CSMD1: variants seen among roughly 807,000 people sequenced by gnomAD.
The protein encoded by CSMD1 is CUB and sushi domain-containing protein 1.
In CSMD1, 213 loss-of-function variants were observed where a neutral mutation model predicts 417.5. The ratio of observed to expected loss-of-function variants is 0.51; its 90% CI spans 0.46 to 0.57. The LOEUF (loss-of-function observed/expected upper bound fraction) is 0.57. CSMD1 is among the 20% of genes least tolerant of loss of function. CSMD1 has a pLI of 0.00. For missense variants in CSMD1, 6,923 were observed against 4,529.7 expected, an observed-to-expected ratio of 1.53 and a Z score of -15.17; for synonymous variants, 2,862 against 1,736.8, an observed-to-expected ratio of 1.65 and a Z score of -16.11.
intron 2 of CSMD1, among the ~76,000 whole-genome samples, chr8:4,624,111 C>G (rs1434502493): frequency 2.0e-5 from 3 of 152,108 alleles, no homozygotes; most frequent in Non-Finnish European, 4.4e-5. Context: ...AAACTGGGCT[C>G]TCTGTATACC....
chr8:3,684,283 TATATA>T (rs1056429200), intron 7 of CSMD1, among the ~76,000 whole-genome samples: 5 of 144,412 alleles, frequency 3.5e-5, no homozygotes, highest in Non-Finnish European at 7.5e-5. Context: ...TTATATATTA[TATATA>T]ATATATAAAT....
chr8:3,423,660 C>T (rs760218781), intron 12 of CSMD1, among the ~76,000 whole-genome samples: 1 of 152,178 alleles, frequency 6.6e-6, no homozygotes, highest in East Asian at 1.9e-4. Flanking sequence ...GGGTTGTTTC[C>T]AGTTTGGGGC....
intron 2 of CSMD1, among the ~76,000 whole-genome samples, chr8:4,518,478 C>A (rs28408367): frequency 0.28 from 42,000 of 151,746 alleles, 6,161 homozygotes; most frequent in African/African-American, 0.37. Flanking sequence ...GAAAACATAC[C>A]AGTAATATTT....
intron 3 of CSMD1, among the ~76,000 whole-genome samples, chr8:4,339,497 A>C (rs1800356837): frequency 6.6e-6 from 1 of 152,108 alleles, no homozygotes; most frequent in South Asian, 2.1e-4. Flanking sequence ...AGTGACAAAG[A>C]GTTTAAATTT....
At chr8:4,597,446 C>T (rs544875495) in intron 2 of CSMD1, among the ~76,000 whole-genome samples, 102 of 152,144 alleles carry the variant, frequency 6.7e-4, no homozygotes, top group African/African-American at 2.2e-3. Flanking sequence ...CTCTTGTAAA[C>T]GAATGCTTTG....
intron 7 of CSMD1, among the ~76,000 whole-genome samples, chr8:3,621,771 T>C (rs1563206735): frequency 6.6e-6 from 1 of 150,500 alleles, no homozygotes; most frequent in Non-Finnish European, 1.5e-5. Flanking sequence ...TATTATTTTA[T>C]TATTATTATT....
chr8:3,851,746 G>A (rs1423074424), intron 5 of CSMD1, among the ~76,000 whole-genome samples: 1 of 152,208 alleles, frequency 6.6e-6, no homozygotes, highest in Non-Finnish European at 1.5e-5. Flanking sequence ...ACAAGAAGGT[G>A]AGGAATGAAG....
chr8:3,110,668 A>G (rs761177125), intron 42 of CSMD1, among the ~76,000 whole-genome samples: 5 of 152,340 alleles, frequency 3.3e-5, no homozygotes, highest in African/African-American at 9.6e-5. Flanking sequence ...GTCCAGCACA[A>G]TGAATTATGG....
intron 5 of CSMD1, among the ~76,000 whole-genome samples, chr8:3,931,765 A>G (rs2688270): frequency 0.4 from 59,582 of 147,704 alleles, 13,712 homozygotes; most frequent in East Asian, 0.49. Flanking sequence ...AAGGTGAGCA[A>G]GGAGCACCTA....
chr8:4,443,991 C>T (rs192416731), intron 2 of CSMD1, among the ~76,000 whole-genome samples: 104 of 152,098 alleles, frequency 6.8e-4, no homozygotes, highest in African/African-American at 2.2e-3. Flanking sequence ...AATGTACAAA[C>T]GGAGTAAGAA....
intron 5 of CSMD1, 70 bp downstream of exon 5, chr8:3,997,821 CAAGCAATTCTTG>C: frequency 2.3e-6 from 3 of 1,279,458 alleles, no homozygotes; most frequent in Non-Finnish European, 3.3e-6. Context: ...CGTCCAGAGA[CAAGCAATTCTTG>C]AAGCTCGTTG....
At chr8:3,369,227 T>G (rs1392659844) in intron 19 of CSMD1, 27 bp downstream of exon 19, 1 of 1,109,428 alleles carries the variant, frequency 9.0e-7, no homozygotes, top group Middle Eastern at 2.0e-4. Flanking sequence ...TTAGTCTGTA[T>G]GTTTGAGACC....
chr8:4,888,226 A>G (rs1803879373), intron 1 of CSMD1, among the ~76,000 whole-genome samples: 4 of 152,090 alleles, frequency 2.6e-5, no homozygotes, highest in South Asian at 4.1e-4. Flanking sequence ...AAATAGAAAG[A>G]AAATAAAGCT....
rs376096771 is a variant in CSMD1, at chr8:3,029,342, C to T, written c.7832G>A (p.Gly2611Glu). ...RCQANGTWNI[G>E]DERPSCRVIS... Reference sequence around the variant, plus strand: ...ACCTCGACAGCTTGGCCTCTCATCTCCTATGTTCCACGTCCCATTGGCCTG... The same window carrying T: ...ACCTCGACAGCTTGGCCTCTCATCTTCTATGTTCCACGTCCCATTGGCCTG... Residue 2611 changes from glycine to glutamate, a missense_variant, in exon 51 of 70, where the codon GGA becomes GAA. By Grantham distance (98) the Gly-to-Glu change is moderately conservative. Coordinates refer to ENST00000635120, the MANE Select transcript of CSMD1 (RefSeq NM_033225.6). The T allele has an allele frequency of 6.2e-7, 1 of 1,610,244 alleles. No individual in the cohort carries two copies. The highest frequency in any genetic ancestry group is 8.5e-7 in the Non-Finnish European group (1 of 1,179,236).
intron 7 of CSMD1, among the ~76,000 whole-genome samples, chr8:3,640,009 A>T (rs766724725): frequency 1.8e-4 from 27 of 152,330 alleles, no homozygotes; most frequent in Non-Finnish European, 3.8e-4. Context: ...GTAGGTGCTC[A>T]ATAAATGTTT....
chr8:3,765,914 A>C (rs1442164683), intron 5 of CSMD1, among the ~76,000 whole-genome samples: 1 of 152,244 alleles, frequency 6.6e-6, no homozygotes. Flanking sequence ...CAAACATGAC[A>C]GACTTGAGAG....
chr8:3,591,064 G>C (rs1342431525), intron 8 of CSMD1, among the ~76,000 whole-genome samples: 2 of 152,200 alleles, frequency 1.3e-5, no homozygotes, highest in East Asian at 1.9e-4. Context: ...CTATTGGCAA[G>C]TTACTTTAGT....
At chr8:4,411,880 G>A (rs571862969) in intron 3 of CSMD1, among the ~76,000 whole-genome samples, 25 of 151,688 alleles carry the variant, frequency 1.6e-4, no homozygotes, top group African/African-American at 5.6e-4. Flanking sequence ...TCACTTTAAT[G>A]TACCATGCAC....
chr8:3,026,657 T>TGTCAACACC (rs1741927415), intron 51 of CSMD1, among the ~76,000 whole-genome samples: 1 of 152,196 alleles, frequency 6.6e-6, no homozygotes, highest in African/African-American at 2.4e-5. Context: ...AACTCTGCCC[T>TGTCAACACC]GTGAGACCGT....
Sources: gnomAD v4.1 joint callset for allele counts (sites outside exome capture counted in the v4.1 genomes callset) on GRCh38, gnomAD v4.1.1 for gene constraint, MANE v1.5 for transcripts, NCBI Gene and HGNC (gene_info 2026-07-23, HGNC 2026-07-21) for gene names.